ADAM12: variants seen among roughly 807,000 people sequenced by gnomAD.
The protein encoded by ADAM12 is disintegrin and metalloproteinase domain-containing protein 12.
Under a neutral mutation model 106.4 loss-of-function variants are expected in ADAM12, and 70 were observed. The ratio of observed to expected loss-of-function variants is 0.66; its 90% CI spans 0.54 to 0.80. ADAM12 has a LOEUF of 0.80. Ranked by LOEUF, ADAM12 falls within the 30% of genes least tolerant of loss-of-function variation. The pLI, the probability that ADAM12 is intolerant of heterozygous loss-of-function variation, is 0.00. For missense variants in ADAM12, 1,010 were observed against 1,171.9 expected (o/e 0.86, Z 2.02); for synonymous variants, 420 against 433.5 (o/e 0.97, Z 0.39).
intron 3 of ADAM12, among the ~76,000 whole-genome samples, chr10:126,240,675 A>G (rs1481999465): frequency 6.6e-6 from 1 of 152,238 alleles, no homozygotes; most frequent in African/African-American, 2.4e-5. Flanking sequence ...ACAGAACACA[A>G]GTGATCCTGC....
chr10:126,120,630 C>A (rs967377174), intron 5 of ADAM12, among the ~76,000 whole-genome samples: 1 of 151,788 alleles, frequency 6.6e-6, no homozygotes, highest in Non-Finnish European at 1.5e-5. Flanking sequence ...AAGGGAATGT[C>A]AGAGAACAAC....
At chr10:126,035,480 A>G (rs114803869) in intron 21 of ADAM12, among the ~76,000 whole-genome samples, 2,566 of 152,292 alleles carry the variant, frequency 0.017, 73 homozygotes, top group East Asian at 0.11. Context: ...AGCATATAAA[A>G]CTGTGTACAA....
chr10:126,108,477 C>T, intron 8 of ADAM12, 116 bp downstream of exon 8: 1 of 942,068 alleles, frequency 1.1e-6, no homozygotes, highest in Non-Finnish European at 1.7e-6. Context: ...GAAACAGTTC[C>T]AAACCAAGGC....
chr10:126,115,063 C>T lies in ADAM12; in HGVS notation c.603+2975G>A, dbSNP rs1194872366. Among the ~76,000 whole-genome samples, 3 of 152,120 alleles carry T rather than the reference C, an allele frequency of 2.0e-5. No homozygotes were observed. The East Asian group carries it at 5.8e-4, about 29-fold the overall frequency. ...TAGCACCAGTTCATTTCAGAATGGC[C>T]ACCTTCGAGGAAGCAAAACAGCACC... On this transcript the variant is annotated intron_variant, in intron 6 of 22. Coordinates refer to ENST00000448723, the MANE Select transcript of ADAM12 (RefSeq NM_001288973.2).
At chr10:126,334,608 G>A (rs1357041121) in intron 1 of ADAM12, among the ~76,000 whole-genome samples, 1 of 152,146 alleles carries the variant, frequency 6.6e-6, no homozygotes, top group Non-Finnish European at 1.5e-5. Flanking sequence ...AAGTTTTTAA[G>A]GTTATGGGAA....
chr10:126,120,208 T>C (rs1038034798), intron 5 of ADAM12, among the ~76,000 whole-genome samples: 1 of 152,206 alleles, frequency 6.6e-6, no homozygotes, highest in Non-Finnish European at 1.5e-5. Context: ...TCCTTTGCCC[T>C]CTGAAAGTTC....
At chr10:126,061,111 G>A (rs1399810225) in intron 14 of ADAM12, among the ~76,000 whole-genome samples, 1 of 152,152 alleles carries the variant, frequency 6.6e-6, no homozygotes, top group Non-Finnish European at 1.5e-5. Flanking sequence ...AAGCCTCCTA[G>A]TTGGCTGCTT....
chr10:126,166,989 C>T (rs577490465), intron 3 of ADAM12, among the ~76,000 whole-genome samples: 67 of 152,324 alleles, frequency 4.4e-4, no homozygotes, highest in Non-Finnish European at 5.0e-4. Context: ...GGTCAGCTTA[C>T]GTTGCATTCT....
chr10:126,255,653 G>C (rs73384737), intron 3 of ADAM12, among the ~76,000 whole-genome samples: 1 of 152,152 alleles, frequency 6.6e-6, no homozygotes, highest in Non-Finnish European at 1.5e-5. Flanking sequence ...TCCTGCCCAC[G>C]GAGGGTCCCT....
At chr10:126,022,651 C>G (rs978764557) in intron 21 of ADAM12, among the ~76,000 whole-genome samples, 2 of 152,198 alleles carry the variant, frequency 1.3e-5, no homozygotes, top group Non-Finnish European at 2.9e-5. Context: ...TTTGCAAAAC[C>G]TAAACCTGAA....
At chr10:126,254,360 T>C (rs973973614) in intron 3 of ADAM12, among the ~76,000 whole-genome samples, 3 of 152,146 alleles carry the variant, frequency 2.0e-5, no homozygotes, top group African/African-American at 7.2e-5. Flanking sequence ...CAGGTGAAAA[T>C]GCCAAGCGCA....
At chr10:126,236,644 G>C (rs546827979) in intron 3 of ADAM12, among the ~76,000 whole-genome samples, 1 of 151,662 alleles carries the variant, frequency 6.6e-6, no homozygotes, top group Non-Finnish European at 1.5e-5. Context: ...TCACAGGAAG[G>C]AACACCCATA....
chr10:126,193,023 T>C (rs1341354633), intron 3 of ADAM12, among the ~76,000 whole-genome samples: 1 of 152,154 alleles, frequency 6.6e-6, no homozygotes, highest in Non-Finnish European at 1.5e-5. Flanking sequence ...CCCAGCACTT[T>C]GGAAGACCAA....
intron 22 of ADAM12, among the ~76,000 whole-genome samples, chr10:126,018,035 C>A (rs1411173957): frequency 6.6e-6 from 1 of 152,210 alleles, no homozygotes; most frequent in Non-Finnish European, 1.5e-5. Context: ...TGCAATTTTT[C>A]TCTATTTATG....
At chr10:126,380,910 C>T (rs918656164) in intron 1 of ADAM12, among the ~76,000 whole-genome samples, 1 of 152,144 alleles carries the variant, frequency 6.6e-6, no homozygotes, top group African/African-American at 2.4e-5. Flanking sequence ...CTGCAGAAAC[C>T]ATTTAGCTTA....
At chr10:126,048,997 G>T (rs1365054191) in intron 16 of ADAM12, among the ~76,000 whole-genome samples, 2 of 152,204 alleles carry the variant, frequency 1.3e-5, no homozygotes, top group African/African-American at 4.8e-5. Flanking sequence ...TTCCTGGCTA[G>T]AAGTCCTCAT....
At chr10:126,204,635 C>A (rs1037588783) in intron 3 of ADAM12, among the ~76,000 whole-genome samples, 2 of 152,164 alleles carry the variant, frequency 1.3e-5, no homozygotes, top group Non-Finnish European at 2.9e-5. Flanking sequence ...AAATGTGGCA[C>A]CTTTGTTCAT....
Position 126,046,248 on chromosome 10 carries a change from C to T in ADAM12, c.1918-116G>A, listed in dbSNP as rs545522429. The T allele has an allele frequency of 4.9e-4, 448 of 913,184 alleles. 1 individual carries two copies. Among genetic ancestry groups the T allele is most frequent in the Middle Eastern group, 1.3e-3 (6 of 4,644 alleles). 56.6% of individuals were successfully genotyped at this position (913,184 alleles called of 1,614,324 possible). The stretch of plus-strand genomic sequence containing the variant: ...AAAAGAAAGCTTGGAGAAGACCCAA[C>T]CTTGTCTCAGTTAATACGGATGGAG... On this transcript the variant is annotated intron_variant, in intron 16 of 22. Transcript: ENST00000448723.
At chr10:126,163,643 C>G (rs1225558118) in intron 3 of ADAM12, among the ~76,000 whole-genome samples, 1 of 152,164 alleles carries the variant, frequency 6.6e-6, no homozygotes, top group Non-Finnish European at 1.5e-5. Context: ...ACATATGTTA[C>G]ACTCCAAAGC....
Sources: gnomAD v4.1 joint callset for allele counts (sites outside exome capture counted in the v4.1 genomes callset) on GRCh38, gnomAD v4.1.1 for gene constraint, MANE v1.5 for transcripts, NCBI Gene and HGNC (gene_info 2026-07-23, HGNC 2026-07-21) for gene names.